Variants in TBC1D9 observed in about 807,000 individuals in gnomAD.
The protein encoded by TBC1D9 is TBC1 domain family member 9, also known as TBC1 domain family member 9A.
In TBC1D9, 63 loss-of-function variants were observed where a neutral mutation model predicts 132.0. That is an observed-to-expected ratio of 0.48 (90% CI 0.39 to 0.59). The LOEUF (loss-of-function observed/expected upper bound fraction) is 0.59. Ranked by LOEUF, TBC1D9 falls within the 20% of genes least tolerant of loss-of-function variation. The pLI is 0.00. For synonymous variants in TBC1D9, 610 were observed against 609.9 expected, an observed-to-expected ratio of 1.00 and a Z score of 0.00; for missense variants, 1,261 against 1,592.7, an observed-to-expected ratio of 0.79 and a Z score of 3.54.
Position 140,657,120 on chromosome 4 carries a change from T to C in TBC1D9, c.2314A>G (p.Arg772Gly). Residue 772 changes from arginine (R) to glycine (G), a missense_variant, in exon 13 of 21, where the codon AGA (arginine) becomes GGA (glycine). Physicochemically the swap from Arg to Gly is moderately radical, Grantham distance 125 (BLOSUM62 -2). Transcript: ENST00000442267. ...ACCTCGTAGGAAGTTCTGATGAGTC[T>C]AAAGATGTCTACCTCAGGGTAAGGT... ...VEPYPEVDIF[R>G]LIRTSYEKFG... 1 of 1,613,908 alleles carries C rather than the reference T, an allele frequency of 6.2e-7. No individual in the cohort carries two copies. Among genetic ancestry groups the C allele is most frequent in the East Asian group, 2.2e-5 (1 of 44,884 alleles).
Position 140,721,403 on chromosome 4 carries a change from A to T in TBC1D9, c.131-19789T>A, listed in dbSNP as rs147474876. On this transcript the variant is annotated intron_variant, in intron 1 of 20. Coordinates refer to ENST00000442267, the MANE Select transcript of TBC1D9 (RefSeq NM_015130.3). ...TACATGCAATTATTATCCCTATTTG[A>T]TGAATGAGGACACTGGGGCATGCAG... is the stretch of plus-strand genomic sequence containing the variant. Among the ~76,000 whole-genome samples the T allele has an allele frequency of 3.6e-4, 55 of 152,266 alleles. 1 individual carries two copies. The highest frequency in any genetic ancestry group is 1.3e-3 in the African/African-American group (54 of 41,542).
intron 1 of TBC1D9, among the ~76,000 whole-genome samples, chr4:140,738,575 C>G (rs771390158): frequency 1.2e-4 from 19 of 152,218 alleles, no homozygotes; most frequent in Non-Finnish European, 2.8e-4. Flanking sequence ...TTCCCTGGTA[C>G]ATCCTCAACC....
At chr4:140,688,268 T>C (rs2111027279) in intron 2 of TBC1D9, among the ~76,000 whole-genome samples, 1 of 152,288 alleles carries the variant, frequency 6.6e-6, no homozygotes, top group East Asian at 1.9e-4. Flanking sequence ...ACCTTGAAAT[T>C]GGGACAGCTG....
intron 3 of TBC1D9, 98 bp from the exon 4 acceptor site, chr4:140,679,941 A>AG: frequency 9.4e-7 from 1 of 1,063,208 alleles, no homozygotes. Context: ...GAATTAAAAA[A>AG]AAAAATTGAG....
intron 13 of TBC1D9, among the ~76,000 whole-genome samples, chr4:140,649,793 G>C (rs1737160099): frequency 6.6e-6 from 1 of 152,184 alleles, no homozygotes; most frequent in African/African-American, 2.4e-5. Flanking sequence ...ATTCAGGGAA[G>C]AAAACTCTGG....
At chr4:140,670,227 C>T (rs2111009418) in intron 7 of TBC1D9, among the ~76,000 whole-genome samples, 1 of 152,246 alleles carries the variant, frequency 6.6e-6, no homozygotes, top group South Asian at 2.1e-4. Flanking sequence ...GTGAGCTTAC[C>T]ACCTTCGAAA....
At chr4:140,704,400 C>T (rs892006234) in intron 1 of TBC1D9, among the ~76,000 whole-genome samples, 6 of 46,514 alleles carry the variant, frequency 1.3e-4, no homozygotes, top group Middle Eastern at 8.9e-3. Context: ...GACTCTGTCT[C>T]AAACAAACAA....
intron 2 of TBC1D9, among the ~76,000 whole-genome samples, chr4:140,696,038 T>C (rs1308619282): frequency 6.6e-6 from 1 of 152,242 alleles, no homozygotes; most frequent in Admixed American, 6.5e-5. Context: ...TTTTGGGTAC[T>C]AGTGAAATGA....
At position 140,659,284 on chromosome 4, in the gene TBC1D9, C is replaced by T. The variant is rs576026821; in HGVS notation, c.1921+304G>A. 27 of 203,924 alleles carry T rather than the reference C, an allele frequency of 1.3e-4. No individual in the cohort carries two copies. The South Asian group carries it at 5.1e-3, about 38-fold the overall frequency. 12.6% of individuals were successfully genotyped at this position (203,924 alleles called of 1,614,324 possible). ...TCTTTATTAATTTTTTTTATCAAAT[C>T]TCTTTGTGTTAATGGTGCACATACC... On this transcript the variant is annotated intron_variant, in intron 11 of 20. Coordinates refer to ENST00000442267, the MANE Select transcript of TBC1D9 (RefSeq NM_015130.3).
intron 2 of TBC1D9, among the ~76,000 whole-genome samples, chr4:140,687,388 AT>A (rs1737805107): frequency 1.4e-5 from 1 of 71,174 alleles, no homozygotes; most frequent in Non-Finnish European, 2.7e-5. Context: ...ATATATATAT[AT>A]ATATATAAAC....
intron 2 of TBC1D9, among the ~76,000 whole-genome samples, chr4:140,686,918 T>C (rs538449376): frequency 6.6e-6 from 1 of 152,182 alleles, no homozygotes; most frequent in South Asian, 2.1e-4. Flanking sequence ...CCACCTCCTA[T>C]AATGGGCAAA....
rs141466120 is a variant in TBC1D9, at chr4:140,690,214, C to A, written c.242-3752G>T. On this transcript the variant is annotated intron_variant, in intron 2 of 20. Coordinates refer to ENST00000442267, the MANE Select transcript of TBC1D9 (RefSeq NM_015130.3). ...TAGTCCACAGGCTAATTGTCTTTCC[C>A]ACCCCATCTTCAAATAGTCATCTGA... Among the ~76,000 whole-genome samples, 177 of 152,212 alleles carry A rather than the reference C, an allele frequency of 1.2e-3. 2 individuals carry two copies. The East Asian group carries it at 0.03, about 26-fold the overall frequency.
chr4:140,745,574 A>G (rs777755769), intron 1 of TBC1D9, among the ~76,000 whole-genome samples: 8 of 152,210 alleles, frequency 5.3e-5, no homozygotes, highest in Non-Finnish European at 8.8e-5. Context: ...TCTTTTCCTT[A>G]GGATTTTCTT....
intron 13 of TBC1D9, among the ~76,000 whole-genome samples, chr4:140,648,653 T>A (rs1346023908): frequency 6.6e-6 from 1 of 152,134 alleles, no homozygotes; most frequent in Non-Finnish European, 1.5e-5. Flanking sequence ...CCCAAAGTAC[T>A]GAGATTATAG....
chr4:140,642,538 G>C (rs1737020600), intron 13 of TBC1D9: 2 of 1,154,792 alleles, frequency 1.7e-6, no homozygotes, highest in Non-Finnish European at 2.6e-6. Context: ...GTCCTGCTTG[G>C]TGAGGGAGAG....
At chr4:140,692,318 T>C (rs889414382) in intron 2 of TBC1D9, among the ~76,000 whole-genome samples, 1 of 152,198 alleles carries the variant, frequency 6.6e-6, no homozygotes, top group Non-Finnish European at 1.5e-5. Context: ...TGAATTGCAC[T>C]TGAAGCTAAT....
chr4:140,689,671 T>C (rs1578842051), intron 2 of TBC1D9, among the ~76,000 whole-genome samples: 1 of 16,712 alleles, frequency 6.0e-5, no homozygotes, highest in African/African-American at 2.7e-4. Flanking sequence ...CCCCTCCCCT[T>C]TCTCCTTCCT....
At chr4:140,686,555 A>C in intron 2 of TBC1D9, 93 bp from the exon 3 acceptor site, 1 of 773,438 alleles carries the variant, frequency 1.3e-6, no homozygotes, top group Non-Finnish European at 2.1e-6. Context: ...TATACCATCA[A>C]AGGAGACTAT....
chr4:140,726,653 A>G (rs1469541538), intron 1 of TBC1D9, among the ~76,000 whole-genome samples: 2 of 152,194 alleles, frequency 1.3e-5, no homozygotes, highest in Admixed American at 1.3e-4. Context: ...AAATTATAAA[A>G]CCAATGAAAG....
Sources: allele counts gnomAD v4.1 joint callset (sites outside exome capture counted in the v4.1 genomes callset), GRCh38; gene constraint gnomAD v4.1.1; transcripts MANE v1.5; gene names NCBI Gene and HGNC (gene_info 2026-07-23, HGNC 2026-07-21).